The following ARHGAP26 variants were observed in gnomAD, a reference collection of about 807,000 sequenced individuals.
The protein encoded by ARHGAP26 is rho GTPase-activating protein 26.
ARHGAP26 carries 38 observed loss-of-function variants against 104.8 expected under a neutral mutation model. The observed-to-expected ratio is 0.36, with a 90% CI of 0.28 to 0.48. The LOEUF is 0.48. Among genes scored for constraint, ARHGAP26 ranks in the 20% least tolerant of loss-of-function variants. The pLI is 0.99. For missense variants in ARHGAP26, 704 were observed against 947.9 expected (o/e 0.74, Z 3.38); for synonymous variants, 341 against 340.0 (o/e 1.00, Z -0.03).
intron 1 of ARHGAP26, among the ~76,000 whole-genome samples, chr5:142,825,593 C>T (rs1335510549): frequency 6.6e-6 from 1 of 152,190 alleles, no homozygotes; most frequent in East Asian, 1.9e-4. Context: ...CCACAAGCCA[C>T]CTGAAGTTCA....
chr5:143,154,705 G>T (rs1437294999), intron 20 of ARHGAP26, among the ~76,000 whole-genome samples: 4 of 152,106 alleles, frequency 2.6e-5, no homozygotes, highest in Non-Finnish European at 5.9e-5. Context: ...ACCAGCTAGG[G>T]TAGACACGCC....
chr5:142,785,013 G>A (rs1279571258), intron 1 of ARHGAP26, among the ~76,000 whole-genome samples: 1 of 143,944 alleles, frequency 6.9e-6, no homozygotes, highest in Non-Finnish European at 1.5e-5. Context: ...TGCAAGCTCC[G>A]CCTCCCTCCT....
At chr5:143,003,414 G>A (rs929576302) in intron 11 of ARHGAP26, among the ~76,000 whole-genome samples, 7 of 152,184 alleles carry the variant, frequency 4.6e-5, no homozygotes, top group African/African-American at 1.7e-4. Context: ...AGACCCAGAC[G>A]AAGGAATGCG....
intron 1 of ARHGAP26, among the ~76,000 whole-genome samples, chr5:142,829,252 A>T (rs1767917211): frequency 6.6e-6 from 1 of 152,222 alleles, no homozygotes; most frequent in African/African-American, 2.4e-5. Context: ...CAAATGTCCT[A>T]GGTCACACCT....
At chr5:143,041,722 G>GAAAAAA (rs34295120) in intron 13 of ARHGAP26, 94 bp from the exon 14 acceptor site, 37 of 642,970 alleles carry the variant, frequency 5.8e-5, no homozygotes, top group Admixed American at 1.3e-4. Context: ...CTGAGAAAAT[G>GAAAAAA]AAAAAAAAAA....
intron 1 of ARHGAP26, among the ~76,000 whole-genome samples, chr5:142,837,474 A>G (rs1352158975): frequency 6.6e-6 from 1 of 151,650 alleles, no homozygotes; most frequent in African/African-American, 2.4e-5. Context: ...GTATCTTGTT[A>G]CTCTCACGTC....
intron 22 of ARHGAP26, among the ~76,000 whole-genome samples, chr5:143,218,025 A>G (rs960758803): frequency 6.6e-6 from 1 of 152,192 alleles, no homozygotes; most frequent in Non-Finnish European, 1.5e-5. Context: ...TATGTTCTCA[A>G]GTAAGGTCAG....
intron 12 of ARHGAP26, among the ~76,000 whole-genome samples, chr5:143,028,999 C>T (rs937021908): frequency 6.6e-6 from 1 of 152,114 alleles, no homozygotes; most frequent in African/African-American, 2.4e-5. Context: ...TTCCTGGGCC[C>T]CACTGAAGCT....
intron 17 of ARHGAP26, among the ~76,000 whole-genome samples, chr5:143,065,047 A>G (rs769431839): frequency 2.6e-5 from 4 of 152,134 alleles, no homozygotes; most frequent in South Asian, 2.1e-4. Context: ...TTCTGAGTCC[A>G]TGGAATCCCC....
At chr5:142,954,347 C>T (rs568723282) in intron 11 of ARHGAP26, among the ~76,000 whole-genome samples, 4 of 152,350 alleles carry the variant, frequency 2.6e-5, no homozygotes, top group African/African-American at 4.8e-5. Flanking sequence ...ACCCCTTTGG[C>T]TTCTCGTAGA....
intron 20 of ARHGAP26, among the ~76,000 whole-genome samples, chr5:143,167,598 G>A (rs1802187463): frequency 6.7e-6 from 1 of 148,454 alleles, no homozygotes; most frequent in South Asian, 2.2e-4. Flanking sequence ...CATCAATGAT[G>A]TAGATTGTGT....
At position 142,980,964 on chromosome 5, in the gene ARHGAP26, G is replaced by A. The variant is rs141250885; in HGVS notation, c.1108-33116G>A. On this transcript the variant is annotated intron_variant, in intron 11 of 22. Coordinates refer to ENST00000645722, the MANE Select transcript of ARHGAP26 (RefSeq NM_001135608.3). ...TATCGTAGTAGTAGTTGTCATTGTC[G>A]TTGTAGTGTCACACTTGGTGTTTAT... is the stretch of plus-strand genomic sequence containing the variant. Among the ~76,000 whole-genome samples, 414 of 152,172 alleles carry A rather than the reference G, an allele frequency of 2.7e-3. 2 individuals are homozygous for A. The highest frequency in any genetic ancestry group is 9.3e-3 in the African/African-American group (386 of 41,542).
At chr5:143,018,400 T>A (rs1431128378) in intron 12 of ARHGAP26, among the ~76,000 whole-genome samples, 1 of 152,216 alleles carries the variant, frequency 6.6e-6, no homozygotes, top group East Asian at 1.9e-4. Context: ...AAGTTGTGTT[T>A]TGGAGAAGGC....
chr5:142,988,013 T>A (rs2152746872), intron 11 of ARHGAP26, among the ~76,000 whole-genome samples: 1 of 152,340 alleles, frequency 6.6e-6, no homozygotes, highest in East Asian at 1.9e-4. Context: ...CCTCATAAAA[T>A]GAGTTAGGGA....
At chr5:143,013,325 C>T (rs1434162741) in intron 11 of ARHGAP26, among the ~76,000 whole-genome samples, 2 of 152,090 alleles carry the variant, frequency 1.3e-5, no homozygotes, top group African/African-American at 4.8e-5. Flanking sequence ...CCTCTTGGCC[C>T]ACAAAGCATA....
At chr5:143,126,731 C>A (rs1454371774) in intron 18 of ARHGAP26, among the ~76,000 whole-genome samples, 3 of 152,158 alleles carry the variant, frequency 2.0e-5, no homozygotes, top group Non-Finnish European at 4.4e-5. Flanking sequence ...TATATGAGAA[C>A]TAAAGAGTAG....
intron 1 of ARHGAP26, among the ~76,000 whole-genome samples, chr5:142,793,867 T>C (rs1760395171): frequency 6.6e-6 from 1 of 152,222 alleles, no homozygotes; most frequent in Admixed American, 6.5e-5. Flanking sequence ...ATTACAGGCA[T>C]GAGCCACCAT....
At chr5:142,956,132 T>C (rs1215024148) in intron 11 of ARHGAP26, among the ~76,000 whole-genome samples, 1 of 152,152 alleles carries the variant, frequency 6.6e-6, no homozygotes, top group East Asian at 1.9e-4. Flanking sequence ...ATTATCTGAG[T>C]CCCTGAAGTT....
At chr5:142,890,286 G>T (rs1183703576) in intron 5 of ARHGAP26, among the ~76,000 whole-genome samples, 1 of 148,548 alleles carries the variant, frequency 6.7e-6, no homozygotes, top group Non-Finnish European at 1.5e-5. Context: ...AAGTTAAAAT[G>T]TGTGTTTATC....
Sources: gnomAD v4.1 joint callset for allele counts (sites outside exome capture counted in the v4.1 genomes callset) on GRCh38, gnomAD v4.1.1 for gene constraint, MANE v1.5 for transcripts, NCBI Gene and HGNC (gene_info 2026-07-23, HGNC 2026-07-21) for gene names.